Variants in SP4 observed in about 807,000 individuals in gnomAD.
SP4 encodes the protein Sp4 transcription factor, also known as transcription factor Sp4.
SP4 carries 19 observed loss-of-function variants against 72.8 expected under a neutral mutation model. That is an observed-to-expected ratio of 0.26 (90% CI 0.18 to 0.38). The LOEUF is 0.38. Among genes scored for constraint, SP4 ranks in the 10% least tolerant of loss-of-function variants. SP4 has a pLI of 1.00. For missense variants in SP4, 1,008 were observed against 926.3 expected, an observed-to-expected ratio of 1.09 and a Z score of -1.14; for synonymous variants, 395 against 333.1, an observed-to-expected ratio of 1.19 and a Z score of -2.02.
chr7:21,428,920 GA>G (rs1424041982), intron 2 of SP4, 128 bp downstream of exon 2: 3 of 763,626 alleles, frequency 3.9e-6, no homozygotes, highest in African/African-American at 1.8e-5. Context: ...TGAGAGTGTG[GA>G]ACTTAAATTG....
chr7:21,505,927 T>A (rs1418353149), intron 5 of SP4, among the ~76,000 whole-genome samples: 3 of 152,210 alleles, frequency 2.0e-5, no homozygotes, highest in Non-Finnish European at 4.4e-5. Flanking sequence ...TGTAAGGGTG[T>A]GATTTTTAAC....
chr7:21,478,868 A>C (rs1784594127), intron 4 of SP4, among the ~76,000 whole-genome samples: 1 of 152,082 alleles, frequency 6.6e-6, no homozygotes, highest in Admixed American at 6.6e-5. Flanking sequence ...TCAGGAGTTC[A>C]AGACCAGCCT....
chr7:21,443,864 A>G (rs1783339421), intron 3 of SP4, among the ~76,000 whole-genome samples: 2 of 152,266 alleles, frequency 1.3e-5, no homozygotes, highest in Admixed American at 6.5e-5. Context: ...ATTTAAATCT[A>G]CATATGAACC....
chr7:21,433,784 T>C (rs949886613), intron 3 of SP4, among the ~76,000 whole-genome samples: 1 of 151,926 alleles, frequency 6.6e-6, no homozygotes, highest in Non-Finnish European at 1.5e-5. Context: ...CTACTAAAAA[T>C]ACAGAATTAG....
At chr7:21,494,535 G>A (rs539047477) in intron 5 of SP4, among the ~76,000 whole-genome samples, 4 of 152,258 alleles carry the variant, frequency 2.6e-5, no homozygotes, top group African/African-American at 9.6e-5. Context: ...TTTGTAATAT[G>A]ATGAAAACAG....
chr7:21,461,885 A>G (rs1479228273), intron 3 of SP4, among the ~76,000 whole-genome samples: 1 of 152,216 alleles, frequency 6.6e-6, no homozygotes, highest in African/African-American at 2.4e-5. Flanking sequence ...ATGTTAGAAA[A>G]TGAAGTTCAC....
At chr7:21,444,727 A>G (rs1278748050) in intron 3 of SP4, among the ~76,000 whole-genome samples, 1 of 152,214 alleles carries the variant, frequency 6.6e-6, no homozygotes, top group African/African-American at 2.4e-5. Flanking sequence ...ACCTCAAATT[A>G]TAGAACAGGA....
intron 3 of SP4, among the ~76,000 whole-genome samples, chr7:21,431,643 A>G (rs1023606008): frequency 6.6e-6 from 1 of 152,208 alleles, no homozygotes. Context: ...TTATGCATAT[A>G]AATAGCTCCT....
Position 21,511,134 on chromosome 7 carries a change from C to G in SP4, c.2220C>G (p.Ala740=), listed in dbSNP as rs552448724. ...AAAAAGGTGGTGGGACAGCTCTTGC[C>G]ATTGTTACCTCGGGAGAACTGGACT... The part of the protein sequence containing the change: ...QNKKGGGTAL[A]IVTSGELDSS... Residue 740 remains alanine (A), a synonymous_variant, in exon 6 of 6, where the codon GCC becomes GCG. Coordinates refer to ENST00000222584, the MANE Select transcript of SP4 (RefSeq NM_003112.5). The G allele has an allele frequency of 4.3e-6, 7 of 1,614,174 alleles. No homozygotes were observed. Among genetic ancestry groups the G allele is most frequent in the East Asian group, 2.2e-5 (1 of 44,878 alleles).
chr7:21,477,294 G>C lies in SP4; in HGVS notation c.1894G>C (p.Glu632Gln), dbSNP rs1257054162. ...RVACSCPNCR[E>Q]GEGRGSNEPG... is the part of the protein sequence containing the mutation. ...TGCCTGTTCCTGTCCTAATTGTAGG[G>C]AAGGAGAAGGAAGGTAAATGCTGTA... is the stretch of plus-strand genomic sequence containing the variant. Residue 632 changes from glutamate to glutamine, a missense_variant, in exon 4 of 6, where the codon GAA (glutamate) becomes CAA (glutamine). Transcript: ENST00000222584. 6.2e-7 allele frequency: 1 copy of C among 1,606,602 alleles called. No homozygotes were observed. The highest frequency in any genetic ancestry group is 8.5e-7 in the Non-Finnish European group (1 of 1,173,518).
In SP4 at chr7:21,456,894, C is replaced by G. The variant is rs6947298; in HGVS notation, c.1679-20185C>G. The stretch of plus-strand genomic sequence containing the variant: ...CCCACAAGCTATCTGTCAGGGTGAA[C>G]TGAGAGATCAGCCCAGTGGAGGGGG... On this transcript the variant is annotated intron_variant, in intron 3 of 5. Coordinates refer to ENST00000222584, the MANE Select transcript of SP4 (RefSeq NM_003112.5). Among the ~76,000 whole-genome samples the G allele has an allele frequency of 9.6e-3, 1,462 of 152,222 alleles. 22 individuals are homozygous for G. The highest frequency in any genetic ancestry group is 0.028 in the African/African-American group (1,165 of 41,540).
intron 3 of SP4, among the ~76,000 whole-genome samples, chr7:21,457,882 C>G (rs752141571): frequency 9.9e-5 from 15 of 151,978 alleles, no homozygotes; most frequent in Non-Finnish European, 1.6e-4. Context: ...CTTGAACTAT[C>G]TTAGCTATGA....
intron 3 of SP4, among the ~76,000 whole-genome samples, chr7:21,445,848 C>G (rs190765567): frequency 6.6e-6 from 1 of 151,920 alleles, no homozygotes; most frequent in Non-Finnish European, 1.5e-5. Flanking sequence ...AACAAGCTAC[C>G]AAAGAGAATT....
Position 21,428,203 on chromosome 7 carries a change from C to CCCCAAAA in SP4, c.-49_-48insCCCAAAA. On this transcript the variant is annotated 5_prime_UTR_variant, in exon 1 of 6. Transcript: ENST00000222584. ...CTCCCGCCTCGCCCCCACCCCCACC[C>CCCCAAAA]ACCTCTATCCCAGTGTCTCCGTCTG... is the stretch of plus-strand genomic sequence containing the variant. 1 of 1,216,714 alleles carries CCCCAAAA rather than the reference C, an allele frequency of 8.2e-7. No homozygotes were observed. Among genetic ancestry groups the CCCCAAAA allele is most frequent in the Non-Finnish European group, 1.2e-6 (1 of 854,962 alleles). The allele number at this position is 1,216,714 out of a possible 1,614,324, so 75.4% of individuals were successfully genotyped here.
Position 21,429,423 on chromosome 7 carries a change from A to T in SP4, c.258A>T (p.Gln86His), listed in dbSNP as rs373463991. The T allele has an allele frequency of 1.1e-5, 18 of 1,613,994 alleles. No individual in the cohort carries two copies. Among genetic ancestry groups the T allele is most frequent in the Admixed American group, 3.3e-5 (2 of 59,998 alleles). Residue 86 changes from glutamine (Q) to histidine (H), a missense_variant, in exon 3 of 6, where the codon CAA becomes CAT. Gln to His is a conservative substitution (Grantham distance 24, BLOSUM62 0). Transcript: ENST00000222584. ...PSQGLVQLQN[Q>H]PQQLELVTTQ... ...AAGGATTGGTGCAACTTCAAAATCA[A>T]CCACAACAGCTAGAACTGGTAACAA...
In SP4 at chr7:21,511,339, T is replaced by TGGTCAA; in HGVS notation, c.*72_*77dup. 2 of 1,446,146 alleles carry TGGTCAA rather than the reference T, an allele frequency of 1.4e-6. No homozygotes were observed. The highest frequency in any genetic ancestry group is 3.7e-5 in the Admixed American group (2 of 53,368). 89.6% of individuals were successfully genotyped at this position (1,446,146 alleles called of 1,614,324 possible). A position where few individuals can be genotyped will look rare whatever the true frequency, so the allele number is the denominator to read the frequency against. On this transcript the variant is annotated 3_prime_UTR_variant, in exon 6 of 6. Transcript: ENST00000222584. Reference sequence around the variant, plus strand: ...CACCTTTGAAAATCTGGAAATGGGCTGGTCAAGTGGATTACAGAGTAGGAA... The same window carrying TGGTCAA: ...CACCTTTGAAAATCTGGAAATGGGCTGGTCAAGGTCAAGTGGATTACAGAGTAGGAA...
chr7:21,504,910 A>C (rs1475731269), intron 5 of SP4, among the ~76,000 whole-genome samples: 18 of 152,142 alleles, frequency 1.2e-4, no homozygotes, highest in Admixed American at 1.2e-3. Context: ...AGGCAAAAGC[A>C]ACAGATTCCC....
At chr7:21,505,855 T>TC (rs1490275391) in intron 5 of SP4, among the ~76,000 whole-genome samples, 1 of 152,180 alleles carries the variant, frequency 6.6e-6, no homozygotes, top group Non-Finnish European at 1.5e-5. Context: ...AGACCTTTTC[T>TC]CCCTTCAGTG....
chr7:21,510,872 T>C (rs2128418028), intron 5 of SP4, 150 bp from the exon 6 acceptor site: 1 of 695,068 alleles, frequency 1.4e-6, no homozygotes, highest in South Asian at 2.4e-5. Context: ...GCATTGTGTA[T>C]TTGATAACGT....
Sources: gnomAD v4.1 joint callset for allele counts (sites outside exome capture counted in the v4.1 genomes callset) on GRCh38, gnomAD v4.1.1 for gene constraint, MANE v1.5 for transcripts, NCBI Gene and HGNC (gene_info 2026-07-23, HGNC 2026-07-21) for gene names.